Variants in NCKAP1L observed in about 807,000 individuals in gnomAD.
NCKAP1L encodes NCK associated protein 1 like, also known as nck-associated protein 1-like.
Under a neutral mutation model 139.2 loss-of-function variants are expected in NCKAP1L, and 53 were observed. The ratio of observed to expected loss-of-function variants is 0.38; its 90% CI spans 0.31 to 0.48. The LOEUF (loss-of-function observed/expected upper bound fraction) is 0.48. NCKAP1L is among the 20% of genes least tolerant of loss of function. NCKAP1L has a pLI of 0.98. For missense variants in NCKAP1L, 1,151 were observed against 1,381.9 expected, an observed-to-expected ratio of 0.83 and a Z score of 2.65; for synonymous variants, 468 against 499.7, an observed-to-expected ratio of 0.94 and a Z score of 0.85.
chr12:54,539,317 C>A (rs1357799058), intron 30 of NCKAP1L, among the ~76,000 whole-genome samples: 1 of 152,164 alleles, frequency 6.6e-6, no homozygotes, highest in African/African-American at 2.4e-5. Flanking sequence ...TTTCACTTGA[C>A]AATTTTCTAC....
intron 21 of NCKAP1L, among the ~76,000 whole-genome samples, chr12:54,527,467 A>G (rs960231088): frequency 1.3e-5 from 2 of 152,086 alleles, no homozygotes; most frequent in Admixed American, 6.5e-5. Context: ...GTGAGAGAAT[A>G]CCCCTCTAAA....
chr12:54,505,272 T>C (rs962108785), intron 3 of NCKAP1L, among the ~76,000 whole-genome samples: 1 of 152,238 alleles, frequency 6.6e-6, no homozygotes, highest in Non-Finnish European at 1.5e-5. Flanking sequence ...AGTTTCTTAA[T>C]GGCTCTTGGC....
chr12:54,509,198 C>T (rs1163035306), intron 5 of NCKAP1L, among the ~76,000 whole-genome samples: 1 of 152,076 alleles, frequency 6.6e-6, no homozygotes, highest in Non-Finnish European at 1.5e-5. Context: ...TATTTAAGGG[C>T]TGAAAAAATG....
chr12:54,535,323 TG>T (rs1270481583), intron 27 of NCKAP1L, 126 bp downstream of exon 27: 5 of 660,970 alleles, frequency 7.6e-6, no homozygotes, highest in African/African-American at 1.8e-5. Flanking sequence ...AAGCTGGGAG[TG>T]AAGGAAGGAC....
chr12:54,537,342 A>G (rs1186404524), intron 29 of NCKAP1L, among the ~76,000 whole-genome samples: 1 of 152,238 alleles, frequency 6.6e-6, no homozygotes, highest in African/African-American at 2.4e-5. Flanking sequence ...TGACCTCTGA[A>G]GTGCCAAGAT....
intron 29 of NCKAP1L, among the ~76,000 whole-genome samples, chr12:54,538,364 C>T (rs1454403163): frequency 6.6e-6 from 1 of 152,186 alleles, no homozygotes; most frequent in Non-Finnish European, 1.5e-5. Flanking sequence ...TTGCTAAATG[C>T]AGGTCACCTG....
intron 22 of NCKAP1L, among the ~76,000 whole-genome samples, chr12:54,529,214 A>C (rs1189131067): frequency 6.6e-6 from 1 of 152,182 alleles, no homozygotes; most frequent in Non-Finnish European, 1.5e-5. Flanking sequence ...GACTCCAGGC[A>C]GTCAAACTCC....
At chr12:54,536,878 C>T in intron 28 of NCKAP1L, 66 bp from the exon 29 acceptor site, 1 of 1,095,694 alleles carries the variant, frequency 9.1e-7, no homozygotes, top group South Asian at 1.3e-5. Context: ...TAGTTTGGGT[C>T]ATCCTGGAGT....
At position 54,523,959 on chromosome 12, in the gene NCKAP1L, A is replaced by G; in HGVS notation, c.2156+3A>G. On this transcript the variant is annotated splice_donor_region_variant and intron_variant, in intron 20 of 30. Transcript: ENST00000293373. The stretch of plus-strand genomic sequence containing the variant: ...CACCTGGAGGCCAGACTCAACAGGT[A>G]TCACTCTTTCCTTGTCCTCTGTTTG... 6.2e-7 allele frequency: 1 copy of G among 1,613,202 alleles called. No individual in the cohort carries two copies. The highest frequency in any genetic ancestry group is 8.5e-7 in the Non-Finnish European group (1 of 1,179,498).
At chr12:54,517,488 C>T (rs533885341) in intron 11 of NCKAP1L, 45 bp from the exon 12 acceptor site, 2 of 1,318,310 alleles carry the variant, frequency 1.5e-6, no homozygotes, top group Admixed American at 1.7e-5. Flanking sequence ...CTTTGAAATC[C>T]ATTTTTAAAG....
intron 3 of NCKAP1L, among the ~76,000 whole-genome samples, chr12:54,501,206 A>G (rs1399634779): frequency 6.6e-6 from 1 of 152,186 alleles, no homozygotes; most frequent in Non-Finnish European, 1.5e-5. Flanking sequence ...AGAATCATAA[A>G]GCATTTGTCT....
rs574235482 is a variant in NCKAP1L at position 54,536,214 on chromosome 12, C to T, written c.3042C>T (p.Asp1014=). 4.3e-6 allele frequency: 7 copies of T among 1,613,070 alleles called. No homozygotes were observed. In the African/African-American group the frequency reaches 6.7e-5, roughly 15 times the overall value. ...TTTCCCTCCCACTCCTTGCCACTGA[C>T]CCTTCTTCCTTTTATAGCATTGAGA... ...LAVSLPLLAT[D]PSSFYSIEKD... Residue 1014 remains aspartate (D), a synonymous_variant, in exon 28 of 31, where the codon GAC becomes GAT. Transcript: ENST00000293373.
chr12:54,516,288 G>A lies in NCKAP1L; in HGVS notation c.991G>A (p.Ala331Thr), dbSNP rs763007382. 6 of 1,613,866 alleles carry A rather than the reference G, an allele frequency of 3.7e-6. No individual in the cohort carries two copies. Among genetic ancestry groups the A allele is most frequent in the Non-Finnish European group, 5.1e-6 (6 of 1,179,926 alleles). ...AAAGGAGAGCAAGGAACATGTAATTGCAAACAGGTAAAGGGTGGTGAATGC... is the reference window on the plus strand; with the variant it reads ...AAAGGAGAGCAAGGAACATGTAATTACAAACAGGTAAAGGGTGGTGAATGC... ...DIKESKEHVI[A>T]NSGQFHCQRR... Residue 331 changes from alanine to threonine, a missense_variant, in exon 10 of 31, where the codon GCA becomes ACA. By Grantham distance (58) the Ala-to-Thr change is moderately conservative. Transcript: ENST00000293373.
rs35861129 is a variant in NCKAP1L at position 54,531,288 on chromosome 12, C to T, written c.2535C>T (p.Gly845=). 39,643 of 1,613,976 alleles carry T rather than the reference C, an allele frequency of 0.025. 597 individuals are homozygous for T. Among genetic ancestry groups the T allele is most frequent in the Non-Finnish European group, 0.029 (33,689 of 1,179,848 alleles). The change falls in exon 23 of 31, where the codon GGC becomes GGT. Residue 845 remains glycine, a synonymous_variant. Transcript: ENST00000293373. ...TGCGGGCCTTGGCAGAACTCCTGGG[C>T]CCCTATGGCATGAAGTTCCTGAGTG... is the stretch of plus-strand genomic sequence containing the variant. ...SEMRALAELL[G]PYGMKFLSEN...
intron 30 of NCKAP1L, 80 bp from the exon 31 acceptor site, chr12:54,542,494 TG>T: frequency 9.6e-7 from 1 of 1,039,660 alleles, no homozygotes; most frequent in Non-Finnish European, 1.5e-6. Flanking sequence ...TCAGAGGGCC[TG>T]GGAACTATGC....
Position 54,512,036 on chromosome 12 carries a change from T to A in NCKAP1L, c.872T>A (p.Ile291Asn). ...WKLCLQGSLY[I>N]TLIREDVLQV... Reference sequence around the variant, plus strand: ...CTGTGTCTGCAGGGCTCCCTCTACATCACCCTTATCCGTGAGGATGTGCTG... The same window carrying A: ...CTGTGTCTGCAGGGCTCCCTCTACAACACCCTTATCCGTGAGGATGTGCTG... Residue 291 changes from isoleucine (I) to asparagine (N), a missense_variant, in exon 9 of 31, where the codon ATC becomes AAC. Physicochemically the swap from Ile to Asn is moderately radical, Grantham distance 149. Coordinates refer to ENST00000293373, the MANE Select transcript of NCKAP1L (RefSeq NM_005337.5). 6.2e-7 allele frequency: 1 copy of A among 1,614,188 alleles called. No homozygotes were observed. The highest frequency in any genetic ancestry group is 8.5e-7 in the Non-Finnish European group (1 of 1,180,034).
Position 54,531,473 on chromosome 12 carries a change from T to C in NCKAP1L, c.2605-18T>C. The C allele has an allele frequency of 6.2e-7, 1 of 1,613,708 alleles. No homozygotes were observed. The highest frequency in any genetic ancestry group is 8.5e-7 in the Non-Finnish European group (1 of 1,179,594). On this transcript the variant is annotated intron_variant, in intron 23 of 30. Transcript: ENST00000293373. ...CTCTTCTTTTCCTGCTTAATGTCTC[T>C]GTGTTCCTGGACTACAGAAGCTGGT...
At chr12:54,531,966 A>C (rs10747697) in intron 25 of NCKAP1L, 141 bp downstream of exon 25, 775,108 of 775,224 alleles carry the variant, frequency 1, 387,496 homozygotes, top group Middle Eastern at 1. Context: ...GAAGAGGGAG[A>C]GTAATTTGGC....
intron 28 of NCKAP1L, chr12:54,536,580 C>A (rs1783380154): frequency 6.3e-6 from 2 of 317,926 alleles, no homozygotes; most frequent in South Asian, 6.3e-5. Flanking sequence ...ATGGCTTGAG[C>A]CCAAGGGGTC....
Sources: gnomAD v4.1 joint callset for allele counts (sites outside exome capture counted in the v4.1 genomes callset) on GRCh38, gnomAD v4.1.1 for gene constraint, MANE v1.5 for transcripts, NCBI Gene and HGNC (gene_info 2026-07-23, HGNC 2026-07-21) for gene names.